ACTN2: variants seen among roughly 807,000 people sequenced by gnomAD.
ACTN2 encodes actinin alpha 2.
ACTN2 carries 39 observed loss-of-function variants against 113.8 expected under a neutral mutation model. The observed-to-expected ratio is 0.34, with a 90% CI of 0.27 to 0.45. The LOEUF (loss-of-function observed/expected upper bound fraction) is 0.45, where lower values mean the gene tolerates loss of function less well. Among genes scored for constraint, ACTN2 ranks in the 20% least tolerant of loss-of-function variants. The pLI is 1.00. For synonymous variants in ACTN2, 429 were observed against 444.1 expected, an observed-to-expected ratio of 0.97 and a Z score of 0.43; for missense variants, 992 against 1,177.9, an observed-to-expected ratio of 0.84 and a Z score of 2.31.
chr1:236,698,524 A>AG (rs1657584320), intron 1 of ACTN2, among the ~76,000 whole-genome samples: 2 of 152,208 alleles, frequency 1.3e-5, no homozygotes, highest in Non-Finnish European at 2.9e-5. Context: ...GAAAAATACA[A>AG]ACCATGCGTT....
chr1:236,751,684 G>A (rs548147505), intron 15 of ACTN2, 32 bp downstream of exon 15: 7 of 1,613,608 alleles, frequency 4.3e-6, no homozygotes, highest in East Asian at 2.2e-5. Context: ...GTGGGACCAG[G>A]GGGCATTCTT....
chr1:236,752,015 T>C lies in ACTN2; in HGVS notation c.1839+363T>C, dbSNP rs114335587. ...TTACAGTACTTTTTAAAAGAATTTT[T>C]AGAATATGATATAGACATGTCCCAG... On this transcript the variant is annotated intron_variant, in intron 15 of 20. Coordinates refer to ENST00000366578, the MANE Select transcript of ACTN2 (RefSeq NM_001103.4). Among the ~76,000 whole-genome samples, 1,496 of 152,330 alleles carry C rather than the reference T, an allele frequency of 9.8e-3. 31 individuals carry two copies. The highest frequency in any genetic ancestry group is 0.034 in the African/African-American group (1,412 of 41,574).
In ACTN2 at chr1:236,727,816, A is replaced by T. The variant is rs182225562; in HGVS notation, c.615+60A>T. 10 of 1,536,202 alleles carry T rather than the reference A, an allele frequency of 6.5e-6. No individual in the cohort carries two copies. In the Admixed American group the frequency reaches 1.0e-4, roughly 15 times the overall value. ...GCCACGCGTCTCAGCATGTCCTGCA[A>T]ATGAGCACATCAGCACTAGCCTAGC... On this transcript the variant is annotated intron_variant, in intron 6 of 20. Transcript: ENST00000366578.
At chr1:236,715,307 C>T (rs1489600438) in intron 1 of ACTN2, among the ~76,000 whole-genome samples, 7 of 96,516 alleles carry the variant, frequency 7.3e-5, no homozygotes, top group Middle Eastern at 9.6e-3. Flanking sequence ...TCCCTCCCCC[C>T]TCCCCCCACC....
intron 1 of ACTN2, among the ~76,000 whole-genome samples, chr1:236,693,177 GCACACA>G (rs35891713): frequency 0.094 from 13,954 of 149,042 alleles, 687 homozygotes; most frequent in Middle Eastern, 0.12. Flanking sequence ...CTGCACACAT[GCACACA>G]CACACACACA....
intron 2 of ACTN2, 40 bp downstream of exon 2, chr1:236,718,012 T>C (rs754174970): frequency 6.8e-7 from 1 of 1,466,576 alleles, no homozygotes; most frequent in Admixed American, 1.8e-5. Flanking sequence ...TCATGTGTTA[T>C]CAGTAGGTGA....
In ACTN2 at chr1:236,751,454, T is replaced by C. The variant is rs148194175; in HGVS notation, c.1657-16T>C. On this transcript the variant is annotated splice_polypyrimidine_tract_variant and intron_variant, in intron 14 of 20. Transcript: ENST00000366578. ...TCAAGCCACATTGTTTTTCTCCACT[T>C]GTGTCTCGGGTGTAGAGTCTGATCA... 2,312 of 1,613,822 alleles carry C rather than the reference T, an allele frequency of 1.4e-3. 3 individuals carry two copies. The highest frequency in any genetic ancestry group is 2.5e-3 in the Middle Eastern group (15 of 6,062).
intron 1 of ACTN2, among the ~76,000 whole-genome samples, chr1:236,701,051 T>G (rs1430189278): frequency 6.6e-6 from 1 of 152,196 alleles, no homozygotes; most frequent in Non-Finnish European, 1.5e-5. Context: ...TGGAGTAATT[T>G]CAGAGGTGGG....
Position 236,762,546 on chromosome 1 carries a change from G to T in ACTN2, c.2612G>T (p.Gly871Val), listed in dbSNP as rs370341149. 3 of 1,614,050 alleles carry T rather than the reference G, an allele frequency of 1.9e-6. No individual in the cohort carries two copies. The highest frequency in any genetic ancestry group is 1.3e-5 in the African/African-American group (1 of 74,928). ...YCIKRMPAYS[G>V]PGSVPGALDY... is the part of the protein sequence containing the mutation. The stretch of plus-strand genomic sequence containing the variant: ...ATCAAGAGGATGCCCGCCTACTCGG[G>T]CCCAGGCAGTGTGCCTGGTGCACTG... The change falls in exon 21 of 21, where the codon GGC becomes GTC. Residue 871 changes from glycine to valine, a missense_variant. Transcript: ENST00000366578.
intron 1 of ACTN2, among the ~76,000 whole-genome samples, chr1:236,699,681 G>C (rs1030321827): frequency 1.8e-4 from 28 of 151,898 alleles, no homozygotes; most frequent in African/African-American, 6.0e-4. Context: ...AGCTCCACAG[G>C]GACTGAGCCT....
rs757588593 is a variant in ACTN2 at position 236,744,713 on chromosome 1, A to G, written c.1343A>G (p.Glu448Gly). 6.2e-7 allele frequency: 1 copy of G among 1,614,188 alleles called. No individual in the cohort carries two copies. Among genetic ancestry groups the G allele is most frequent in the East Asian group, 2.2e-5 (1 of 44,868 alleles). ...CTGCTGCGGAAGCACGAGGCGTTCG[A>G]GAGCGACCTGGCAGCGCACCAGGAC... The part of the protein sequence containing the change: ...RALLRKHEAF[E>G]SDLAAHQDRV... Residue 448 changes from glutamate (E) to glycine (G), a missense_variant, in exon 12 of 21, where the codon GAG becomes GGG. Physicochemically the swap from Glu to Gly is moderately conservative, Grantham distance 98 (BLOSUM62 -2). Transcript: ENST00000366578.
At chr1:236,733,246 C>T (rs1384494051) in intron 7 of ACTN2, among the ~76,000 whole-genome samples, 1 of 152,170 alleles carries the variant, frequency 6.6e-6, no homozygotes, top group Non-Finnish European at 1.5e-5. Context: ...AAATAGGCAA[C>T]AGTTAGTAAA....
chr1:236,755,260 G>C, intron 17 of ACTN2, 62 bp downstream of exon 17: 1 of 1,596,968 alleles, frequency 6.3e-7, no homozygotes, highest in Non-Finnish European at 8.6e-7. Context: ...ACCTCCTCAG[G>C]GTGCTTTCTT....
At chr1:236,742,729 C>T (rs1224482204) in intron 10 of ACTN2, among the ~76,000 whole-genome samples, 167 bp from the exon 11 acceptor site, 1 of 151,822 alleles carries the variant, frequency 6.6e-6, no homozygotes. Flanking sequence ...CATTTGGAAG[C>T]CAAATAATTG....
chr1:236,757,543 G>A lies in ACTN2; in HGVS notation c.2212G>A (p.Val738Met), dbSNP rs1659585505. The change falls in exon 18 of 21, where the codon GTG becomes ATG. Residue 738 changes from valine to methionine, a missense_variant. Coordinates refer to ENST00000366578, the MANE Select transcript of ACTN2 (RefSeq NM_001103.4). ...AACCATCGCCAGAACCATCAATGAGGTGGAGACTCAGATCCTGACGAGAGA... is the reference window on the plus strand; with the variant it reads ...AACCATCGCCAGAACCATCAATGAGATGGAGACTCAGATCCTGACGAGAGA... ...LTTIARTINE[V>M]ETQILTRDAK... 3 of 1,614,136 alleles carry A rather than the reference G, an allele frequency of 1.9e-6. No homozygotes were observed. Among genetic ancestry groups the A allele is most frequent in the Non-Finnish European group, 2.5e-6 (3 of 1,180,036 alleles).
chr1:236,760,876 A>G, intron 19 of ACTN2, 139 bp from the exon 20 acceptor site: 1 of 1,137,092 alleles, frequency 8.8e-7, no homozygotes, highest in South Asian at 1.3e-5. Flanking sequence ...AATCTTGTCC[A>G]AAGACTGAAG....
At chr1:236,760,699 C>T (rs2102951068) in intron 19 of ACTN2, among the ~76,000 whole-genome samples, 1 of 152,298 alleles carries the variant, frequency 6.6e-6, no homozygotes, top group African/African-American at 2.4e-5. Context: ...GGAAAGGGCT[C>T]AGCTCCCGCT....
chr1:236,736,564 CAA>C, intron 8 of ACTN2: 2 of 1,525,348 alleles, frequency 1.3e-6, no homozygotes, highest in African/African-American at 2.8e-5. Flanking sequence ...CTAGGTTAGA[CAA>C]AGTCTTAAAG....
chr1:236,712,918 TG>T (rs1288209226), intron 1 of ACTN2, among the ~76,000 whole-genome samples: 4 of 97,094 alleles, frequency 4.1e-5, no homozygotes, highest in Admixed American at 4.0e-4. Flanking sequence ...CTCCATCAGT[TG>T]CTTTTTTTTT....
Sources: allele counts gnomAD v4.1 joint callset (sites outside exome capture counted in the v4.1 genomes callset), GRCh38; gene constraint gnomAD v4.1.1; transcripts MANE v1.5; gene names NCBI Gene and HGNC (gene_info 2026-07-23, HGNC 2026-07-21).